Variants in CCSER1 observed in about 807,000 individuals in gnomAD.
The protein encoded by CCSER1 is serine-rich coiled-coil domain-containing protein 1.
CCSER1 carries 41 observed loss-of-function variants against 82.0 expected under a neutral mutation model. That is an observed-to-expected ratio of 0.50 (90% CI 0.39 to 0.65). The LOEUF is 0.65. Among genes scored for constraint, CCSER1 ranks in the 30% least tolerant of loss-of-function variants. The pLI is 0.00. For missense variants in CCSER1, 1,119 were observed against 1,064.2 expected (o/e 1.05, Z -0.72); for synonymous variants, 414 against 383.9 (o/e 1.08, Z -0.92).
chr4:90,615,014 T>C, intron 5 of CCSER1, among the ~76,000 whole-genome samples: 1 of 152,116 alleles, frequency 6.6e-6, no homozygotes, highest in East Asian at 1.9e-4. Flanking sequence ...TATTTCCCAT[T>C]CTGAAAATTG....
At position 90,514,366 on chromosome 4, in the gene CCSER1, C is replaced by A. The variant is rs574661276; in HGVS notation, c.1724+46012C>A. Among the ~76,000 whole-genome samples the A allele has an allele frequency of 9.9e-5, 15 of 152,050 alleles. No homozygotes were observed. In the East Asian group the frequency reaches 1.2e-3, roughly 12 times the overall value. On this transcript the variant is annotated intron_variant, in intron 5 of 10. Transcript: ENST00000509176. ...ATACATCATTTTCTGTGGTGTATTTCTTTAAATAATTATAGACTATAGATG... is the reference window on the plus strand; with the variant it reads ...ATACATCATTTTCTGTGGTGTATTTATTTAAATAATTATAGACTATAGATG...
intron 1 of CCSER1, among the ~76,000 whole-genome samples, chr4:90,254,984 C>T (rs1307009392): frequency 7.3e-6 from 1 of 136,402 alleles, no homozygotes; most frequent in Non-Finnish European, 1.5e-5. Flanking sequence ...TATCAACACA[C>T]ACACACACAC....
intron 4 of CCSER1, among the ~76,000 whole-genome samples, chr4:90,422,087 T>C (rs927567881): frequency 7.9e-5 from 12 of 152,290 alleles, no homozygotes; most frequent in African/African-American, 2.9e-4. Context: ...GGGCTCATTA[T>C]CTCAAATGTC....
At chr4:91,154,026 C>G (rs2148960376) in intron 10 of CCSER1, among the ~76,000 whole-genome samples, 1 of 152,102 alleles carries the variant, frequency 6.6e-6, no homozygotes. Flanking sequence ...AACCACTACT[C>G]TCTTCAAAGC....
intron 9 of CCSER1, among the ~76,000 whole-genome samples, chr4:91,054,401 CT>C (rs1244970622): frequency 6.6e-6 from 1 of 152,106 alleles, no homozygotes; most frequent in African/African-American, 2.4e-5. Flanking sequence ...TAGATGGAAT[CT>C]TTTATTTATT....
At chr4:91,347,861 G>T (rs1350649067) in intron 10 of CCSER1, among the ~76,000 whole-genome samples, 1 of 148,866 alleles carries the variant, frequency 6.7e-6, no homozygotes, top group Non-Finnish European at 1.5e-5. Context: ...AGTGCCAGTA[G>T]TTTTTTTTTT....
At chr4:90,746,991 A>G (rs28380059) in intron 7 of CCSER1, among the ~76,000 whole-genome samples, 3,245 of 152,262 alleles carry the variant, frequency 0.021, 115 homozygotes, top group African/African-American at 0.075. Context: ...TTTTATTTTA[A>G]GCATTATTCT....
chr4:90,976,688 T>TAGG (rs1351188916), intron 9 of CCSER1, among the ~76,000 whole-genome samples: 1 of 151,564 alleles, frequency 6.6e-6, no homozygotes, highest in Non-Finnish European at 1.5e-5. Context: ...ATGTTGTAGT[T>TAGG]ATACTGTAAA....
chr4:91,285,333 G>T (rs1288768587), intron 10 of CCSER1, among the ~76,000 whole-genome samples: 1 of 150,558 alleles, frequency 6.6e-6, no homozygotes, highest in Non-Finnish European at 1.5e-5. Context: ...TATAGGAAAT[G>T]CTGTTATGGA....
intron 10 of CCSER1, among the ~76,000 whole-genome samples, chr4:91,235,424 A>T (rs539250584): frequency 4.2e-4 from 64 of 152,284 alleles, no homozygotes; most frequent in Admixed American, 3.3e-4. Context: ...ATATTCACTT[A>T]GAGTGCCTGA....
intron 1 of CCSER1, among the ~76,000 whole-genome samples, chr4:90,206,002 T>C (rs1738748173): frequency 6.6e-6 from 1 of 152,198 alleles, no homozygotes; most frequent in Non-Finnish European, 1.5e-5. Flanking sequence ...TTTATAGTAT[T>C]CTCTGATAGA....
At chr4:91,351,450 T>C (rs910947547) in intron 10 of CCSER1, among the ~76,000 whole-genome samples, 1 of 152,070 alleles carries the variant, frequency 6.6e-6, no homozygotes, top group Non-Finnish European at 1.5e-5. Flanking sequence ...TGAATACAGA[T>C]TTCTTGTTTT....
chr4:91,327,412 C>G (rs1746646834), intron 10 of CCSER1, among the ~76,000 whole-genome samples: 1 of 152,172 alleles, frequency 6.6e-6, no homozygotes, highest in Non-Finnish European at 1.5e-5. Flanking sequence ...ATGGCTGGAG[C>G]TGGAGAGTCT....
intron 3 of CCSER1, among the ~76,000 whole-genome samples, chr4:90,361,337 CCTCT>C (rs1453445883): frequency 2.0e-5 from 3 of 152,144 alleles, no homozygotes; most frequent in South Asian, 2.1e-4. Context: ...TCCACCTCTC[CCTCT>C]CTATTTCCAT....
chr4:90,233,445 G>C (rs941517818), intron 1 of CCSER1, among the ~76,000 whole-genome samples: 1 of 152,058 alleles, frequency 6.6e-6, no homozygotes, highest in Admixed American at 6.6e-5. Context: ...GACACAGGAA[G>C]GGGAACATCA....
intron 1 of CCSER1, among the ~76,000 whole-genome samples, chr4:90,191,212 C>T (rs572686479): frequency 1.3e-5 from 2 of 151,952 alleles, no homozygotes; most frequent in South Asian, 4.1e-4. Flanking sequence ...TTGACAGATG[C>T]TGCTTTTAGC....
At chr4:90,479,566 C>T (rs903776966) in intron 5 of CCSER1, among the ~76,000 whole-genome samples, 4 of 151,938 alleles carry the variant, frequency 2.6e-5, no homozygotes, top group African/African-American at 9.7e-5. Flanking sequence ...GTAATGTTCC[C>T]CTTCCTCTGT....
intron 1 of CCSER1, among the ~76,000 whole-genome samples, chr4:90,242,829 A>G (rs2153435504): frequency 6.6e-6 from 1 of 152,342 alleles, no homozygotes; most frequent in African/African-American, 2.4e-5. Context: ...AAACACCACA[A>G]GGGACTTGCA....
intron 9 of CCSER1, among the ~76,000 whole-genome samples, chr4:90,958,042 C>T (rs994594996): frequency 1.3e-5 from 2 of 152,102 alleles, no homozygotes; most frequent in African/African-American, 4.8e-5. Context: ...TTCCAAACTC[C>T]AGCACATAAT....
Sources: allele counts gnomAD v4.1 joint callset (sites outside exome capture counted in the v4.1 genomes callset), GRCh38; gene constraint gnomAD v4.1.1; transcripts MANE v1.5; gene names NCBI Gene and HGNC (gene_info 2026-07-23, HGNC 2026-07-21).